ATG7: variants seen among roughly 807,000 people sequenced by gnomAD.
ATG7 encodes the protein autophagy related 7, also known as ubiquitin-like modifier-activating enzyme ATG7.
ATG7 carries 70 observed loss-of-function variants against 82.4 expected under a neutral mutation model. That is an observed-to-expected ratio of 0.85 (90% CI 0.70 to 1.04). ATG7 has a LOEUF of 1.04. Ranked by LOEUF, ATG7 falls within the 50% of genes least tolerant of loss-of-function variation. ATG7 has a pLI of 0.00. For synonymous variants in ATG7, 287 were observed against 313.0 expected (o/e 0.92, Z 0.88); for missense variants, 792 against 864.3 (o/e 0.92, Z 1.05).
At chr3:11,570,361 G>A in the ATG7 span, among the ~76,000 whole-genome samples, 6 of 152,268 alleles carry the variant, frequency 3.9e-5, no homozygotes, top group South Asian at 4.1e-4. Context: ...GGAGCAGTGC[G>A]GAGATGCCGG....
chr3:11,345,286 G>T (rs547923272), intron 13 of ATG7, among the ~76,000 whole-genome samples: 92 of 152,336 alleles, frequency 6.0e-4, no homozygotes, highest in Non-Finnish European at 1.0e-3. Flanking sequence ...GCAGGCGCCT[G>T]TGGTCCCAGC....
intron 13 of ATG7, among the ~76,000 whole-genome samples, chr3:11,344,167 C>G (rs910144556): frequency 3.9e-5 from 6 of 152,136 alleles, no homozygotes; most frequent in African/African-American, 1.4e-4. Context: ...TCTTTCTAAA[C>G]TCTCTTAGTT....
At chr3:11,456,669 TC>T (rs946576671) in intron 20 of ATG7, among the ~76,000 whole-genome samples, 2 of 152,050 alleles carry the variant, frequency 1.3e-5, no homozygotes, top group Non-Finnish European at 2.9e-5. Flanking sequence ...TTCTTTCTAC[TC>T]CCCCCACTAC....
rs1265286127 is a variant in ATG7, at chr3:11,515,357, G to A, written c.2080-39454G>A. 2.0e-5 allele frequency among the ~76,000 whole-genome samples: 3 copies of A among 151,832 alleles called. No homozygotes were observed. In the South Asian group the frequency reaches 6.2e-4, roughly 32 times the overall value. On this transcript the variant is annotated intron_variant, in intron 20 of 20. Coordinates refer to ENST00000693202, the MANE Select transcript of ATG7 (RefSeq NM_001349232.2). The stretch of plus-strand genomic sequence containing the variant: ...CTCGCTCTGTTGCCTAGGCTGGAGT[G>A]CAGTGGCACGATCTTGGCTCACTGC...
intron 20 of ATG7, among the ~76,000 whole-genome samples, chr3:11,528,929 C>T (rs964250830): frequency 3.3e-5 from 5 of 151,848 alleles, no homozygotes; most frequent in African/African-American, 2.4e-5. Flanking sequence ...GGACTCATGA[C>T]TGCATATTCG....
At chr3:11,358,196 G>A (rs573453294) in intron 14 of ATG7, among the ~76,000 whole-genome samples, 1 of 152,006 alleles carries the variant, frequency 6.6e-6, no homozygotes, top group Non-Finnish European at 1.5e-5. Context: ...GTCTCTGTTT[G>A]CTGCCCTGCC....
Position 11,552,045 on chromosome 3 carries a change from G to A in ATG7, c.2080-2766G>A, listed in dbSNP as rs148323262. Among the ~76,000 whole-genome samples the A allele has an allele frequency of 5.1e-3, 784 of 152,324 alleles. 7 individuals are homozygous for A. Among genetic ancestry groups the A allele is most frequent in the African/African-American group, 0.018 (748 of 41,586 alleles). Reference sequence around the variant, plus strand: ...ATTACAGGCGTGCGCCACCACGCCCGGCCTCTTTCATTCTGTTTTGAACTA... The same window carrying A: ...ATTACAGGCGTGCGCCACCACGCCCAGCCTCTTTCATTCTGTTTTGAACTA... On this transcript the variant is annotated intron_variant, in intron 20 of 20. Transcript: ENST00000693202.
chr3:11,350,130 T>A (rs2075428987), intron 14 of ATG7, among the ~76,000 whole-genome samples: 1 of 152,214 alleles, frequency 6.6e-6, no homozygotes. Context: ...TGTATTAGAT[T>A]CATCCATTTT....
In ATG7 at chr3:11,369,144, T is replaced by G. The variant is rs932190693; in HGVS notation, c.1875+4410T>G. On this transcript the variant is annotated intron_variant, in intron 18 of 20. Transcript: ENST00000693202. The stretch of plus-strand genomic sequence containing the variant: ...GCTGTGTCCCCCAAATCCTCAAGCC[T>G]TTAGATTTTGAAAAAATCTCTTTAC... Among the ~76,000 whole-genome samples the G allele has an allele frequency of 5.3e-5, 8 of 150,958 alleles. 1 individual carries two copies. The highest frequency in any genetic ancestry group is 2.0e-4 in the African/African-American group (8 of 40,850).
intron 17 of ATG7, 73 bp from the exon 18 acceptor site, chr3:11,364,586 A>T (rs1257796693): frequency 1.3e-6 from 2 of 1,523,924 alleles, no homozygotes; most frequent in Non-Finnish European, 1.8e-6. Flanking sequence ...TCTTATGTAG[A>T]TTTCTGCTAG....
intron 19 of ATG7, among the ~76,000 whole-genome samples, chr3:11,402,699 G>A (rs1373635785): frequency 6.6e-6 from 1 of 152,202 alleles, no homozygotes. Flanking sequence ...TCAACTGTCA[G>A]ATGCTGCTGA....
chr3:11,540,977 G>T (rs563803789), intron 20 of ATG7, among the ~76,000 whole-genome samples: 1 of 148,858 alleles, frequency 6.7e-6, no homozygotes, highest in East Asian at 2.0e-4. Flanking sequence ...TTGGCTCACT[G>T]CAAGCTCCGC....
chr3:11,532,371 G>A (rs1290948600), intron 20 of ATG7, among the ~76,000 whole-genome samples: 1 of 152,204 alleles, frequency 6.6e-6, no homozygotes, highest in Non-Finnish European at 1.5e-5. Context: ...GGACAGAGCT[G>A]AGTCTGGAAA....
At chr3:11,530,274 C>G (rs1269390525) in intron 20 of ATG7, among the ~76,000 whole-genome samples, 3 of 152,188 alleles carry the variant, frequency 2.0e-5, no homozygotes, top group Non-Finnish European at 4.4e-5. Flanking sequence ...GTGGCATGCT[C>G]TCAGAGGAAA....
rs536519213 is a variant in ATG7 at position 11,317,799 on chromosome 3, G to T, written c.678+2306G>T. ...GTAGAGATGGGGTTTCACCATATTG[G>T]CCAGGCTAGTCTCAAACTCCTGACC... On this transcript the variant is annotated intron_variant, in intron 9 of 20. Transcript: ENST00000693202. Among the ~76,000 whole-genome samples, 6 of 152,114 alleles carry T rather than the reference G, an allele frequency of 3.9e-5. No homozygotes were observed. The East Asian group carries it at 1.2e-3, about 29-fold the overall frequency.
At chr3:11,390,269 A>G (rs2078687909) in intron 19 of ATG7, among the ~76,000 whole-genome samples, 1 of 152,230 alleles carries the variant, frequency 6.6e-6, no homozygotes, top group South Asian at 2.1e-4. Context: ...AGGCACACAG[A>G]TTTTTTAAAA....
At chr3:11,465,767 A>T (rs2086771668) in intron 20 of ATG7, among the ~76,000 whole-genome samples, 1 of 151,960 alleles carries the variant, frequency 6.6e-6, no homozygotes, top group Non-Finnish European at 1.5e-5. Context: ...TGCTTCAAAA[A>T]AATAAAAATA....
intron 5 of ATG7, among the ~76,000 whole-genome samples, chr3:11,301,735 T>TG (rs2152695421): frequency 6.6e-6 from 1 of 152,302 alleles, no homozygotes; most frequent in East Asian, 1.9e-4. Flanking sequence ...TGTACAAGCA[T>TG]TAAATTGTCT....
intron 16 of ATG7, among the ~76,000 whole-genome samples, chr3:11,361,493 C>T (rs1252541736): frequency 6.6e-6 from 1 of 152,076 alleles, no homozygotes; most frequent in African/African-American, 2.4e-5. Context: ...CCATGTTGGT[C>T]TGGCTGGTCT....
Sources: gnomAD v4.1 joint callset for allele counts (sites outside exome capture counted in the v4.1 genomes callset) on GRCh38, gnomAD v4.1.1 for gene constraint, MANE v1.5 for transcripts, NCBI Gene and HGNC (gene_info 2026-07-23, HGNC 2026-07-21) for gene names.